Variants in USH2A observed in about 807,000 individuals in gnomAD.
USH2A encodes Usher syndrome 2A (autosomal recessive, mild).
USH2A carries 443 observed loss-of-function variants against 538.9 expected under a neutral mutation model. The observed-to-expected ratio is 0.82, with a 90% confidence interval of 0.76 to 0.89. USH2A has a LOEUF of 0.89. Ranked by LOEUF, USH2A falls within the 40% of genes least tolerant of loss-of-function variation. The pLI, the probability that USH2A is intolerant of heterozygous loss-of-function variation, is 0.00. For missense variants in USH2A, 6,633 were observed against 6,324.8 expected (o/e 1.05, Z -1.65); for synonymous variants, 2,413 against 2,273.5 (o/e 1.06, Z -1.75).
In USH2A at chr1:215,629,011, G is replaced by A. The variant is rs746098518; in HGVS notation, c.15322C>T (p.Arg5108Trp). Reference protein sequence around the residue: ...HMGLADTKIPRSGTPVSIRSN... With the variant: ...HMGLADTKIPWSGTPVSIRSN... ...CGGATACTCACAGGTGTCCCAGACC[G>A]GGGAATTTTGGTATCGGCTAACCCC... Residue 5108 changes from arginine to tryptophan, a missense_variant, in exon 71 of 72, where the codon CGG becomes TGG. Coordinates refer to ENST00000307340, the MANE Select transcript of USH2A (RefSeq NM_206933.4). The A allele has an allele frequency of 6.8e-6, 11 of 1,613,190 alleles. No individual in the cohort carries two copies. The highest frequency in any genetic ancestry group is 2.2e-5 in the South Asian group (2 of 91,032).
chr1:215,836,242 C>T (rs1332523404), intron 47 of USH2A, among the ~76,000 whole-genome samples: 3 of 151,338 alleles, frequency 2.0e-5, no homozygotes, highest in African/African-American at 7.3e-5. Flanking sequence ...TCAAAGGTCA[C>T]ATCTTCCATG....
chr1:216,267,342 G>C (rs995633955), intron 11 of USH2A, among the ~76,000 whole-genome samples: 13 of 152,074 alleles, frequency 8.5e-5, no homozygotes, highest in African/African-American at 2.7e-4. Flanking sequence ...GTGAAGGCCT[G>C]ACAGATATAT....
At chr1:215,819,070 A>G (rs1387437389) in intron 47 of USH2A, among the ~76,000 whole-genome samples, 2 of 151,900 alleles carry the variant, frequency 1.3e-5, no homozygotes, top group Admixed American at 6.6e-5. Flanking sequence ...ATAAAAATTA[A>G]CTAATCACAA....
chr1:216,374,816 T>C (rs1220111720), intron 3 of USH2A, among the ~76,000 whole-genome samples: 1 of 152,164 alleles, frequency 6.6e-6, no homozygotes, highest in Admixed American at 6.6e-5. Context: ...AAGTATCTTC[T>C]TACTTTATGA....
chr1:215,967,490 C>T (rs1667377989), intron 36 of USH2A, among the ~76,000 whole-genome samples: 1 of 152,090 alleles, frequency 6.6e-6, no homozygotes, highest in Non-Finnish European at 1.5e-5. Context: ...CTTAATAAAA[C>T]TCTTGCAATG....
intron 21 of USH2A, among the ~76,000 whole-genome samples, chr1:216,155,769 G>T (rs909376661): frequency 1.3e-5 from 2 of 151,976 alleles, no homozygotes; most frequent in African/African-American, 4.8e-5. Flanking sequence ...CTTTTGCCTT[G>T]GACAATTGCA....
chr1:215,968,072 G>T (rs1667399369), intron 36 of USH2A, among the ~76,000 whole-genome samples: 1 of 152,164 alleles, frequency 6.6e-6, no homozygotes, highest in African/African-American at 2.4e-5. Context: ...ATTACAAAAT[G>T]TGAAGGGTTT....
chr1:216,343,490 C>T (rs1464493772), intron 4 of USH2A, among the ~76,000 whole-genome samples: 2 of 148,714 alleles, frequency 1.3e-5, no homozygotes, highest in African/African-American at 5.0e-5. Context: ...CATGCCACTG[C>T]ACTCCAGCCT....
intron 61 of USH2A, among the ~76,000 whole-genome samples, chr1:215,714,044 G>A (rs915607097): frequency 2.6e-5 from 4 of 152,184 alleles, no homozygotes; most frequent in Non-Finnish European, 4.4e-5. Context: ...GATGGCATGT[G>A]TAAAGTGCCC....
intron 34 of USH2A, among the ~76,000 whole-genome samples, chr1:215,996,484 ATT>A (rs755262194): frequency 2.2e-5 from 3 of 136,490 alleles, no homozygotes; most frequent in South Asian, 4.8e-4. Flanking sequence ...TTTTTAACAT[ATT>A]GTCTTCTTTA....
intron 21 of USH2A, among the ~76,000 whole-genome samples, chr1:216,125,665 G>T (rs945793300): frequency 1.3e-5 from 2 of 152,066 alleles, no homozygotes; most frequent in African/African-American, 4.8e-5. Context: ...TTTTTTAGTG[G>T]TTCCATCTCT....
At chr1:215,630,482 GTATATATATATATATATATATA>G (rs1158726890) in intron 70 of USH2A, among the ~76,000 whole-genome samples, 2 of 22,554 alleles carry the variant, frequency 8.9e-5, no homozygotes, top group African/African-American at 2.0e-4. Flanking sequence ...ATGTGTGTGT[GTATATATATATATATATATATA>G]TATATATATA....
chr1:215,799,928 G>A (rs1662273473), intron 49 of USH2A, among the ~76,000 whole-genome samples: 1 of 152,138 alleles, frequency 6.6e-6, no homozygotes, highest in Non-Finnish European at 1.5e-5. Flanking sequence ...GGGAGGCAGA[G>A]TGCGCAGTGA....
Position 215,876,657 on chromosome 1 carries a change from G to C in USH2A, c.8681+1101C>G, listed in dbSNP as rs190666388. ...TACACTACAATGACAATAGTGATATGTTAGGGGATGTCCTATGGAAATGTT... is the reference window on the plus strand; with the variant it reads ...TACACTACAATGACAATAGTGATATCTTAGGGGATGTCCTATGGAAATGTT... On this transcript the variant is annotated intron_variant, in intron 43 of 71. Coordinates refer to ENST00000307340, the MANE Select transcript of USH2A (RefSeq NM_206933.4). Among the ~76,000 whole-genome samples the C allele has an allele frequency of 5.4e-4, 83 of 152,298 alleles. 1 individual carries two copies. Among genetic ancestry groups the C allele is most frequent in the African/African-American group, 1.7e-3 (71 of 41,572 alleles).
intron 35 of USH2A, among the ~76,000 whole-genome samples, chr1:215,972,736 A>T (rs1667527600): frequency 6.6e-6 from 1 of 152,106 alleles, no homozygotes; most frequent in Non-Finnish European, 1.5e-5. Context: ...TTATTTCCAA[A>T]TTTTTGGGAA....
intron 9 of USH2A, among the ~76,000 whole-genome samples, chr1:216,307,365 G>A (rs549393045): frequency 3.6e-4 from 55 of 152,172 alleles, no homozygotes; most frequent in Admixed American, 6.5e-4. Context: ...GGCAGTGAAA[G>A]GCCTCACCCA....
intron 4 of USH2A, among the ~76,000 whole-genome samples, chr1:216,356,051 A>G (rs1571735174): frequency 2.0e-5 from 3 of 152,260 alleles, no homozygotes; most frequent in Non-Finnish European, 4.4e-5. Context: ...TGGATTGAGA[A>G]GTTATATTCT....
At chr1:216,010,701 G>A (rs1668539968) in intron 32 of USH2A, among the ~76,000 whole-genome samples, 3 of 151,430 alleles carry the variant, frequency 2.0e-5, no homozygotes, top group East Asian at 1.9e-4. Context: ...TGCCAACATA[G>A]ACAATACTCT....
chr1:216,326,894 A>G (rs907075882), intron 5 of USH2A, among the ~76,000 whole-genome samples: 5 of 152,148 alleles, frequency 3.3e-5, no homozygotes, highest in African/African-American at 1.2e-4. Flanking sequence ...CCATACAACA[A>G]TATACTATTA....
Sources: gnomAD v4.1 joint callset for allele counts (sites outside exome capture counted in the v4.1 genomes callset) on GRCh38, gnomAD v4.1.1 for gene constraint, MANE v1.5 for transcripts, NCBI Gene and HGNC (gene_info 2026-07-23, HGNC 2026-07-21) for gene names.